The following LRRTM4 variants were observed in gnomAD, a reference collection of about 807,000 sequenced individuals.
The protein encoded by LRRTM4 is leucine-rich repeat transmembrane neuronal protein 4.
In LRRTM4, 25 loss-of-function variants were observed where a neutral mutation model predicts 47.6. That is an observed-to-expected ratio of 0.53 (90% CI 0.38 to 0.73). The LOEUF is 0.73. LRRTM4 is among the 30% of genes least tolerant of loss of function. LRRTM4 has a pLI of 0.00. For synonymous variants in LRRTM4, 311 were observed against 269.5 expected, an observed-to-expected ratio of 1.15 and a Z score of -1.51; for missense variants, 638 against 713.4, an observed-to-expected ratio of 0.89 and a Z score of 1.20.
intron 3 of LRRTM4, among the ~76,000 whole-genome samples, chr2:77,501,737 G>A (rs1389135228): frequency 6.6e-6 from 1 of 151,136 alleles, no homozygotes; most frequent in Non-Finnish European, 1.5e-5. Context: ...GTTTATAGAA[G>A]CTAAAGGATT....
At chr2:76,928,630 T>A (rs1674665902) in intron 3 of LRRTM4, among the ~76,000 whole-genome samples, 1 of 152,138 alleles carries the variant, frequency 6.6e-6, no homozygotes, top group African/African-American at 2.4e-5. Context: ...GAGATGGGCA[T>A]TCAGGGAAAC....
At chr2:77,088,498 A>C (rs886089313) in intron 3 of LRRTM4, among the ~76,000 whole-genome samples, 1 of 151,886 alleles carries the variant, frequency 6.6e-6, no homozygotes, top group South Asian at 2.1e-4. Flanking sequence ...GCCAGAGAAC[A>C]AACCCCCTTT....
At chr2:76,853,210 G>C (rs1450545732) in intron 3 of LRRTM4, among the ~76,000 whole-genome samples, 2 of 152,098 alleles carry the variant, frequency 1.3e-5, no homozygotes, top group Non-Finnish European at 2.9e-5. Flanking sequence ...AGAATAAATG[G>C]GGAGGGGCTA....
In LRRTM4 at chr2:76,881,468, CTTT is replaced by C. The variant is rs74263980; in HGVS notation, c.1552-132555_1552-132553del. Among the ~76,000 whole-genome samples the C allele has an allele frequency of 5.0e-3, 680 of 136,640 alleles. 8 individuals are homozygous for C. Among genetic ancestry groups the C allele is most frequent in the African/African-American group, 0.017 (655 of 37,440 alleles). The allele number at this position is 136,640 out of a possible 152,430, so 89.6% of individuals were successfully genotyped here. Reference sequence around the variant, plus strand: ...TTTGAGTTGAGAGGCTTGCTAAAGACTTTTTTTTTTTTTTTGCTTTTAAATGTG... The same window carrying C: ...TTTGAGTTGAGAGGCTTGCTAAAGACTTTTTTTTTTTTGCTTTTAAATGTG... On this transcript the variant is annotated intron_variant, in intron 3 of 3. Coordinates refer to ENST00000409884, the MANE Select transcript of LRRTM4 (RefSeq NM_001134745.3).
At chr2:76,925,692 C>A (rs1239589356) in intron 3 of LRRTM4, among the ~76,000 whole-genome samples, 1 of 152,066 alleles carries the variant, frequency 6.6e-6, no homozygotes, top group Non-Finnish European at 1.5e-5. Flanking sequence ...CCTATCTTTT[C>A]TTAAATGTCT....
chr2:77,217,294 G>A (rs13382529), intron 3 of LRRTM4, among the ~76,000 whole-genome samples: 28,883 of 147,986 alleles, frequency 0.2, 5,466 homozygotes, highest in African/African-American at 0.49. Context: ...ACCTACTAGA[G>A]ATATTAACAT....
At chr2:77,033,711 T>G (rs971107131) in intron 3 of LRRTM4, among the ~76,000 whole-genome samples, 3 of 151,906 alleles carry the variant, frequency 2.0e-5, no homozygotes, top group Non-Finnish European at 4.4e-5. Flanking sequence ...TAATTTTCAT[T>G]TATACGTCAG....
chr2:77,287,878 G>A (rs530946676), intron 3 of LRRTM4, among the ~76,000 whole-genome samples: 6 of 152,230 alleles, frequency 3.9e-5, no homozygotes, highest in South Asian at 4.1e-4. Flanking sequence ...GGTACTATCC[G>A]TGCCTTGGGC....
At chr2:77,142,211 T>C (rs1001462826) in intron 3 of LRRTM4, among the ~76,000 whole-genome samples, 1 of 152,172 alleles carries the variant, frequency 6.6e-6, no homozygotes, top group African/African-American at 2.4e-5. Flanking sequence ...TTGAATGTAT[T>C]AGAACATTTA....
chr2:76,832,422 C>G (rs1671380188), intron 3 of LRRTM4, among the ~76,000 whole-genome samples: 1 of 140,734 alleles, frequency 7.1e-6, no homozygotes, highest in African/African-American at 2.6e-5. Flanking sequence ...AGTCTATTTT[C>G]TAACACACAG....
At chr2:77,267,967 C>G (rs945812184) in intron 3 of LRRTM4, among the ~76,000 whole-genome samples, 11 of 152,138 alleles carry the variant, frequency 7.2e-5, no homozygotes, top group African/African-American at 2.7e-4. Context: ...TTATACATCT[C>G]TGGCTATTGA....
chr2:77,316,066 A>G (rs995108319), intron 3 of LRRTM4, among the ~76,000 whole-genome samples: 2 of 152,170 alleles, frequency 1.3e-5, no homozygotes, highest in Non-Finnish European at 2.9e-5. Context: ...TGGCAATAAA[A>G]TCAACTTCTG....
Position 76,947,430 on chromosome 2 carries a change from A to G in LRRTM4, c.1552-198514T>C, listed in dbSNP as rs140048911. On this transcript the variant is annotated intron_variant, in intron 3 of 3. Transcript: ENST00000409884. ...CAGGTTCTTATGAGGAATAGTCATTATACACTAAATACAATAATGTGGGAA... is the reference window on the plus strand; with the variant it reads ...CAGGTTCTTATGAGGAATAGTCATTGTACACTAAATACAATAATGTGGGAA... 3.0e-3 allele frequency among the ~76,000 whole-genome samples: 454 copies of G among 152,014 alleles called. 3 individuals are homozygous for G. Among genetic ancestry groups the G allele is most frequent in the African/African-American group, 0.01 (434 of 41,532 alleles).
chr2:77,484,132 A>T (rs11896350), intron 3 of LRRTM4, among the ~76,000 whole-genome samples: 53,025 of 152,040 alleles, frequency 0.35, 9,507 homozygotes, highest in East Asian at 0.6. Flanking sequence ...GACACACACA[A>T]TACTGGTCAA....
At chr2:77,179,179 G>A (rs1204858572) in intron 3 of LRRTM4, among the ~76,000 whole-genome samples, 2 of 152,044 alleles carry the variant, frequency 1.3e-5, no homozygotes, top group African/African-American at 4.8e-5. Context: ...GTCAATAAGT[G>A]GTAAAGAAGC....
At chr2:77,442,737 T>G (rs1675893834) in intron 3 of LRRTM4, among the ~76,000 whole-genome samples, 1 of 152,234 alleles carries the variant, frequency 6.6e-6, no homozygotes, top group Admixed American at 6.5e-5. Context: ...CAAAAGCTAC[T>G]TTTCTTGCTG....
At chr2:77,358,882 G>A (rs760214080) in intron 3 of LRRTM4, among the ~76,000 whole-genome samples, 1 of 151,936 alleles carries the variant, frequency 6.6e-6, no homozygotes, top group Non-Finnish European at 1.5e-5. Flanking sequence ...TCCAAGACTT[G>A]GCCAACACAT....
intron 3 of LRRTM4, among the ~76,000 whole-genome samples, chr2:76,939,821 C>T (rs1047085487): frequency 6.6e-6 from 1 of 152,028 alleles, no homozygotes; most frequent in Non-Finnish European, 1.5e-5. Flanking sequence ...TAAATCTTTT[C>T]ATTTCTCAGG....
chr2:76,906,809 T>A (rs1673857140), intron 3 of LRRTM4, among the ~76,000 whole-genome samples: 1 of 151,206 alleles, frequency 6.6e-6, no homozygotes, highest in Non-Finnish European at 1.5e-5. Context: ...ATCCTAAATA[T>A]ATATGCACCC....
Sources: allele counts gnomAD v4.1 joint callset (sites outside exome capture counted in the v4.1 genomes callset), GRCh38; gene constraint gnomAD v4.1.1; transcripts MANE v1.5; gene names NCBI Gene and HGNC (gene_info 2026-07-23, HGNC 2026-07-21).